Variants in GRID1 observed in about 807,000 individuals in gnomAD.
The protein encoded by GRID1 is glutamate ionotropic receptor delta type subunit 1, also known as glutamate receptor ionotropic, delta-1.
GRID1 carries 28 observed loss-of-function variants against 98.0 expected under a neutral mutation model. That is an observed-to-expected ratio of 0.29 (90% CI 0.21 to 0.39). The LOEUF (loss-of-function observed/expected upper bound fraction) is 0.39, where lower values mean the gene tolerates loss of function less well. Among genes scored for constraint, GRID1 ranks in the 10% least tolerant of loss-of-function variants. The probability of loss-of-function intolerance (pLI) is 1.00; values close to 1 mark genes in which losing one functional copy is unlikely to be tolerated. For synonymous variants in GRID1, 553 were observed against 538.5 expected (o/e 1.03, Z -0.37); for missense variants, 1,111 against 1,340.5 (o/e 0.83, Z 2.67).
At chr10:86,353,708 G>A (rs910797701) in intron 2 of GRID1, among the ~76,000 whole-genome samples, 2 of 152,234 alleles carry the variant, frequency 1.3e-5, no homozygotes, top group Non-Finnish European at 2.9e-5. Flanking sequence ...AGCTCTCCAG[G>A]CCCAGGCTGG....
chr10:85,883,510 G>GTCTCTC (rs72270077), intron 5 of GRID1, among the ~76,000 whole-genome samples: 8 of 136,840 alleles, frequency 5.8e-5, no homozygotes, highest in Non-Finnish European at 1.3e-4. Context: ...CTCTCTCTCT[G>GTCTCTC]TCTCTCTCTC....
At chr10:85,883,506 C>G (rs1397913175) in intron 5 of GRID1, among the ~76,000 whole-genome samples, 4 of 145,458 alleles carry the variant, frequency 2.7e-5, no homozygotes, top group Non-Finnish European at 6.2e-5. Flanking sequence ...CTCTCTCTCT[C>G]TCTGTCTCTC....
intron 13 of GRID1, among the ~76,000 whole-genome samples, chr10:85,636,295 C>CCACTTTTACATATTAACTGAGTTCAG (rs1843040748): frequency 6.6e-6 from 1 of 152,090 alleles, no homozygotes; most frequent in Non-Finnish European, 1.5e-5. Context: ...AGTGTCATGT[C>CCACTTTTACATATTAACTGAGTTCAG]CACTTTTACA....
chr10:85,918,407 G>A lies in GRID1; in HGVS notation c.727-2168C>T, dbSNP rs184860946. ...GAACAGATAACACTTGCCCCTTCCC[G>A]TCTCCCAAGGTATGTAAAAGCACAT... On this transcript the variant is annotated intron_variant, in intron 4 of 15. Transcript: ENST00000327946. Among the ~76,000 whole-genome samples, 364 of 152,010 alleles carry A rather than the reference G, an allele frequency of 2.4e-3. 5 individuals are homozygous for A. The highest frequency in any genetic ancestry group is 0.019 in the Admixed American group (294 of 15,278).
chr10:86,266,840 CG>C (rs1193813345), intron 2 of GRID1, among the ~76,000 whole-genome samples: 1 of 152,196 alleles, frequency 6.6e-6, no homozygotes, highest in East Asian at 1.9e-4. Flanking sequence ...TACTTCCTGC[CG>C]GGCTATAGGA....
chr10:85,943,134 A>T (rs1378856711), intron 4 of GRID1, among the ~76,000 whole-genome samples: 1 of 152,150 alleles, frequency 6.6e-6, no homozygotes, highest in Non-Finnish European at 1.5e-5. Context: ...TTGATAAACT[A>T]TTTCTGGCAG....
At chr10:86,023,857 C>T (rs143711891) in intron 4 of GRID1, among the ~76,000 whole-genome samples, 4 of 152,304 alleles carry the variant, frequency 2.6e-5, no homozygotes, top group African/African-American at 9.6e-5. Flanking sequence ...TGTCCCGGCA[C>T]TACACATGAC....
intron 8 of GRID1, among the ~76,000 whole-genome samples, chr10:85,737,690 A>G (rs796900505): frequency 1.3e-5 from 1 of 78,698 alleles, no homozygotes; most frequent in Admixed American, 1.2e-4. Context: ...ATATGGTTAT[A>G]TATATATATA....
rs548725679 is a variant in GRID1, at chr10:86,342,285, G to A, written c.235+21656C>T. 2.0e-5 allele frequency among the ~76,000 whole-genome samples: 3 copies of A among 152,324 alleles called. No homozygotes were observed. The East Asian group carries it at 5.8e-4, about 29-fold the overall frequency. Reference sequence around the variant, plus strand: ...CCAGTGTCAGAAACCAGAGAGGGCTGTAGCTCACAAAGGCCACACAGCAGT... The same window carrying A: ...CCAGTGTCAGAAACCAGAGAGGGCTATAGCTCACAAAGGCCACACAGCAGT... On this transcript the variant is annotated intron_variant, in intron 2 of 15. Transcript: ENST00000327946.
At chr10:85,664,790 G>A (rs1841001910) in intron 12 of GRID1, among the ~76,000 whole-genome samples, 1 of 152,162 alleles carries the variant, frequency 6.6e-6, no homozygotes, top group African/African-American at 2.4e-5. Context: ...AGTGATGTAT[G>A]TTAATGACAA....
intron 12 of GRID1, chr10:85,650,220 T>C (rs1186890770): frequency 2.0e-5 from 3 of 152,146 alleles, no homozygotes; most frequent in African/African-American, 7.2e-5. Flanking sequence ...CCAACAGTGG[T>C]AGTCAGTGGA....
chr10:86,259,441 T>G (rs563264795), intron 2 of GRID1, among the ~76,000 whole-genome samples: 131 of 152,374 alleles, frequency 8.6e-4, no homozygotes, highest in African/African-American at 3.0e-3. Context: ...GTTGAATGTC[T>G]CTGAATTATT....
chr10:86,343,715 G>A lies in GRID1; in HGVS notation c.235+20226C>T, dbSNP rs534982548. Reference sequence around the variant, plus strand: ...ATCCCAGCCTTGAAGTTAATGAGGCGTGAATCCCCACATCTCCCTAGTGAA... The same window carrying A: ...ATCCCAGCCTTGAAGTTAATGAGGCATGAATCCCCACATCTCCCTAGTGAA... On this transcript the variant is annotated intron_variant, in intron 2 of 15. Transcript: ENST00000327946. Among the ~76,000 whole-genome samples, 14 of 152,336 alleles carry A rather than the reference G, an allele frequency of 9.2e-5. 1 individual carries two copies. The highest frequency in any genetic ancestry group is 2.6e-4 in the African/African-American group (11 of 41,570).
At chr10:85,765,054 G>A (rs1346361686) in intron 8 of GRID1, among the ~76,000 whole-genome samples, 2 of 152,148 alleles carry the variant, frequency 1.3e-5, no homozygotes, top group African/African-American at 4.8e-5. Flanking sequence ...GTGCTGAAAA[G>A]AGTAACTGAT....
chr10:85,880,661 A>G (rs1031038926), intron 5 of GRID1, among the ~76,000 whole-genome samples: 32 of 151,978 alleles, frequency 2.1e-4, no homozygotes, highest in African/African-American at 7.7e-4. Context: ...CCCACAGCCA[A>G]TATCATACTG....
chr10:85,997,530 G>C (rs1842754518), intron 4 of GRID1, among the ~76,000 whole-genome samples: 1 of 152,094 alleles, frequency 6.6e-6, no homozygotes, highest in Non-Finnish European at 1.5e-5. Flanking sequence ...AAAAACGTAA[G>C]TATGCATATT....
intron 5 of GRID1, among the ~76,000 whole-genome samples, chr10:85,878,227 A>C (rs10887534): frequency 0.48 from 72,893 of 151,824 alleles, 19,448 homozygotes; most frequent in Non-Finnish European, 0.6. Context: ...CTTCCCCAAT[A>C]TAGCAAGGCA....
intron 8 of GRID1, among the ~76,000 whole-genome samples, chr10:85,785,421 G>A (rs531776258): frequency 9.2e-5 from 14 of 152,292 alleles, no homozygotes; most frequent in South Asian, 2.1e-4. Context: ...TTCCACGGAC[G>A]CGGAAAGAGA....
At chr10:86,253,570 C>G (rs1589427461) in intron 2 of GRID1, among the ~76,000 whole-genome samples, 1 of 152,178 alleles carries the variant, frequency 6.6e-6, no homozygotes, top group African/African-American at 2.4e-5. Flanking sequence ...CTCCCAGGCC[C>G]AGAGACACAC....
Sources: gnomAD v4.1 joint callset for allele counts (sites outside exome capture counted in the v4.1 genomes callset) on GRCh38, gnomAD v4.1.1 for gene constraint, MANE v1.5 for transcripts, NCBI Gene and HGNC (gene_info 2026-07-23, HGNC 2026-07-21) for gene names.